Variants in ZMYND12 observed in about 807,000 individuals in gnomAD.
The protein encoded by ZMYND12 is zinc finger MYND-type containing 12.
A neutral mutation model predicts 41.7 loss-of-function variants in ZMYND12; 32 were observed. The observed-to-expected ratio is 0.77, with a 90% confidence interval of 0.58 to 1.03. The LOEUF (loss-of-function observed/expected upper bound fraction) is 1.03, where lower values mean the gene tolerates loss of function less well. Ranked by LOEUF, ZMYND12 falls within the 50% of genes least tolerant of loss-of-function variation. ZMYND12 has a pLI of 0.00. For missense variants in ZMYND12, 424 were observed against 438.5 expected (o/e 0.97, Z 0.30); for synonymous variants, 148 against 164.8 (o/e 0.90, Z 0.78).
At chr1:42,437,909 C>T (rs942304408) in intron 4 of ZMYND12, among the ~76,000 whole-genome samples, 2 of 152,204 alleles carry the variant, frequency 1.3e-5, no homozygotes, top group Non-Finnish European at 2.9e-5. Context: ...CTCCTGACCT[C>T]TGGTGATCCG....
intron 4 of ZMYND12, among the ~76,000 whole-genome samples, chr1:42,437,400 C>G (rs562740102): frequency 6.6e-6 from 1 of 150,504 alleles, no homozygotes; most frequent in Non-Finnish European, 1.5e-5. Flanking sequence ...TAATTGTACA[C>G]GTAAAATGGG....
At chr1:42,447,648 G>A (rs1477836941) in intron 3 of ZMYND12, among the ~76,000 whole-genome samples, 1 of 152,132 alleles carries the variant, frequency 6.6e-6, no homozygotes, top group Non-Finnish European at 1.5e-5. Flanking sequence ...AGGGAATCAG[G>A]TGAACAACTT....
intron 4 of ZMYND12, among the ~76,000 whole-genome samples, chr1:42,438,253 T>G (rs1226732204): frequency 2.0e-5 from 3 of 152,196 alleles, no homozygotes; most frequent in Non-Finnish European, 4.4e-5. Context: ...TCAATAAGAT[T>G]GCCTGAAGAT....
In ZMYND12 at chr1:42,441,632, T is replaced by TTTTGC. The variant is rs1431178436; in HGVS notation, c.425-1608_425-1607insGCAAA. Among the ~76,000 whole-genome samples the TTTTGC allele has an allele frequency of 7.2e-5, 11 of 152,140 alleles. No homozygotes were observed. The East Asian group carries it at 2.1e-3, about 29-fold the overall frequency. On this transcript the variant is annotated intron_variant, in intron 3 of 7. Coordinates refer to ENST00000372565, the MANE Select transcript of ZMYND12 (RefSeq NM_032257.5). ...TCATGTATTGTTTTGTTTTGTTTTG[T>TTTTGC]TTTTTTGAGACGGAGTCTTGCTCTG...
chr1:42,435,428 T>C (rs761290252), intron 5 of ZMYND12, 43 bp from the exon 6 acceptor site: 2 of 1,487,044 alleles, frequency 1.3e-6, no homozygotes, highest in Non-Finnish European at 9.4e-7. Flanking sequence ...AGGCCAGACC[T>C]CAGCCGTCGG....
intron 3 of ZMYND12, among the ~76,000 whole-genome samples, chr1:42,440,702 C>T (rs780399159): frequency 1.7e-4 from 26 of 152,016 alleles, no homozygotes; most frequent in Non-Finnish European, 3.1e-4. Context: ...GGGAGTCTCA[C>T]TTTGTTGCCC....
intron 2 of ZMYND12, 100 bp downstream of exon 2, chr1:42,449,818 C>T (rs1284131199): frequency 2.8e-5 from 41 of 1,444,230 alleles, no homozygotes; most frequent in South Asian, 3.9e-5. Flanking sequence ...CTCTGCCCTC[C>T]GTGAGGTTAC....
chr1:42,440,000 T>C lies in ZMYND12; in HGVS notation c.450A>G (p.Glu150=). Residue 150 remains glutamate (E), a synonymous_variant, in exon 4 of 8, where the codon GAA becomes GAG. Transcript: ENST00000372565. ...SLGLGRIVQA[E]EYLFQAQWTV... ...TCCACTGGGCTTGGAATAGATATTC[T>C]TCAGCCTGAACGATTCGGCCCAGAC... 1 of 1,612,520 alleles carries C rather than the reference T, an allele frequency of 6.2e-7. No homozygotes were observed. The highest frequency in any genetic ancestry group is 8.5e-7 in the Non-Finnish European group (1 of 1,179,572).
At chr1:42,450,177 A>G in intron 1 of ZMYND12, 118 bp from the exon 2 acceptor site, 1 of 1,213,674 alleles carries the variant, frequency 8.2e-7, no homozygotes, top group Non-Finnish European at 1.2e-6. Context: ...CAAACCAGGC[A>G]GGGAGCTCAA....
intron 1 of ZMYND12, among the ~76,000 whole-genome samples, chr1:42,455,045 T>A (rs554942259): frequency 6.6e-6 from 1 of 152,370 alleles, no homozygotes; most frequent in Admixed American, 6.5e-5. Flanking sequence ...GATTGTGACT[T>A]ATTCATAAAC....
At chr1:42,444,191 A>G (rs1193342265) in intron 3 of ZMYND12, among the ~76,000 whole-genome samples, 2 of 152,156 alleles carry the variant, frequency 1.3e-5, no homozygotes, top group African/African-American at 4.8e-5. Flanking sequence ...AAGGATGATC[A>G]AAAGCCAGCC....
chr1:42,439,225 T>C (rs147237181), intron 4 of ZMYND12, among the ~76,000 whole-genome samples: 326 of 125,938 alleles, frequency 2.6e-3, no homozygotes, highest in African/African-American at 9.3e-3. Flanking sequence ...ACGATGTGGC[T>C]AGTGAAACAG....
In ZMYND12 at chr1:42,455,881, G is replaced by T. The variant is rs202064571; in HGVS notation, c.110+7C>A. The T allele has an allele frequency of 1.2e-4, 190 of 1,605,204 alleles. 2 individuals are homozygous for T. In the African/African-American group the frequency reaches 2.2e-3, roughly 19 times the overall value. ...ATAGCGCCCAGGTGCCACGTTTCAG[G>T]GCCTACCAGTAATAAGTGACTGTGC... is the stretch of plus-strand genomic sequence containing the variant. On this transcript the variant is annotated splice_region_variant and intron_variant, in intron 1 of 7. Coordinates refer to ENST00000372565, the MANE Select transcript of ZMYND12 (RefSeq NM_032257.5).
intron 5 of ZMYND12, 58 bp downstream of exon 5, chr1:42,436,363 A>C: frequency 6.2e-7 from 1 of 1,604,864 alleles, no homozygotes; most frequent in African/African-American, 1.3e-5. Context: ...AGTCTAATAC[A>C]AGTTGTAAGA....
chr1:42,430,945 T>C, intron 7 of ZMYND12, 87 bp from the exon 8 acceptor site: 1 of 1,560,584 alleles, frequency 6.4e-7, no homozygotes, highest in Middle Eastern at 1.7e-4. Flanking sequence ...TCCAGAAACA[T>C]GAGAGAGAAC....
chr1:42,449,436 T>C (rs1363890325), intron 2 of ZMYND12, among the ~76,000 whole-genome samples: 1 of 152,192 alleles, frequency 6.6e-6, no homozygotes, highest in South Asian at 2.1e-4. Context: ...AGAGTGGTGA[T>C]TAAGTTAGAA....
Position 42,430,825 on chromosome 1 carries a change from C to G in ZMYND12, c.1009G>C (p.Ala337Pro). The change falls in exon 8 of 8, where the codon GCC (alanine) becomes CCC (proline). Residue 337 changes from alanine (A) to proline (P), a missense_variant. Physicochemically the swap from Ala to Pro is conservative, Grantham distance 27. Coordinates refer to ENST00000372565, the MANE Select transcript of ZMYND12 (RefSeq NM_032257.5). ...QEYGMRALSL[A>P]KEQQLDVHEQ... ...TGGACATCAAGCTGTTGTTCTTTGG[C>G]TAGACTGAGGGCCCTCATGCCATAT... is the stretch of plus-strand genomic sequence containing the variant. 6.2e-7 allele frequency: 1 copy of G among 1,614,176 alleles called. No homozygotes were observed. The highest frequency in any genetic ancestry group is 8.5e-7 in the Non-Finnish European group (1 of 1,180,018).
chr1:42,430,738 A>G lies in ZMYND12; in HGVS notation c.1096T>C (p.Ter366GlnextTer1), dbSNP rs1570343452. Residue 366 changes from the stop codon to glutamine, a stop_lost, in exon 8 of 8, where the codon TAG becomes CAG. Transcript: ENST00000372565. ...LISTEDHPIT[*>Q] ...CTTGATGCAGAGCTCATGGGTCACT[A>G]AGTAATGGGATGGTCTTCAGTTGAA... 2 of 1,614,058 alleles carry G rather than the reference A, an allele frequency of 1.2e-6. No homozygotes were observed. The highest frequency in any genetic ancestry group is 1.7e-6 in the Non-Finnish European group (2 of 1,179,944).
At chr1:42,441,842 G>A (rs1405483473) in intron 3 of ZMYND12, among the ~76,000 whole-genome samples, 4 of 152,110 alleles carry the variant, frequency 2.6e-5, no homozygotes, top group Non-Finnish European at 5.9e-5. Context: ...GGATGGTCTC[G>A]ATCTCCTGAC....
Sources: allele counts gnomAD v4.1 joint callset (sites outside exome capture counted in the v4.1 genomes callset), GRCh38; gene constraint gnomAD v4.1.1; transcripts MANE v1.5; gene names NCBI Gene and HGNC (gene_info 2026-07-23, HGNC 2026-07-21).